ACLY: variants seen among roughly 807,000 people sequenced by gnomAD.
ACLY encodes ATP citrate lyase, also known as ATP-citrate synthase.
In ACLY, 41 loss-of-function variants were observed where a neutral mutation model predicts 133.0. The observed-to-expected ratio is 0.31, with a 90% confidence interval of 0.24 to 0.40. The LOEUF (loss-of-function observed/expected upper bound fraction) is 0.40, where lower values mean the gene tolerates loss of function less well. ACLY is among the 10% of genes least tolerant of loss of function. ACLY has a pLI of 1.00. For missense variants in ACLY, 1,046 were observed against 1,453.8 expected (o/e 0.72, Z 4.56); for synonymous variants, 495 against 549.3 (o/e 0.90, Z 1.38).
intron 1 of ACLY, 146 bp downstream of exon 1, chr17:41,918,734 C>G: frequency 9.5e-7 from 1 of 1,049,568 alleles, no homozygotes; most frequent in Non-Finnish European, 1.2e-6. Flanking sequence ...GAAGGCTAAC[C>G]TAAAGCTAAG....
rs115517233 is a variant in ACLY, at chr17:41,898,513, T to A, written c.1338+118A>T. ...TTGGCAGAGATCCACAAACCAACCATGCACTAACTCCCGCTGTATTTCCTC... is the reference window on the plus strand; with the variant it reads ...TTGGCAGAGATCCACAAACCAACCAAGCACTAACTCCCGCTGTATTTCCTC... On this transcript the variant is annotated intron_variant, in intron 12 of 28. Coordinates refer to ENST00000352035, the MANE Select transcript of ACLY (RefSeq NM_001096.3). 3.3e-4 allele frequency: 446 copies of A among 1,338,644 alleles called. No homozygotes were observed. In the African/African-American group the frequency reaches 5.8e-3, roughly 17 times the overall value. 82.9% of individuals were successfully genotyped at this position (1,338,644 alleles called of 1,614,324 possible).
chr17:41,873,748 G>T (rs1555625499), intron 23 of ACLY, 63 bp downstream of exon 23: 2 of 1,471,874 alleles, frequency 1.4e-6, no homozygotes, highest in South Asian at 1.4e-5. Flanking sequence ...CCACCCCTTT[G>T]TTGGGGGAAA....
chr17:41,902,978 G>A (rs2049582988), intron 10 of ACLY, among the ~76,000 whole-genome samples: 1 of 152,070 alleles, frequency 6.6e-6, no homozygotes, highest in Admixed American at 6.6e-5. Flanking sequence ...TAGTAGAGAT[G>A]AGATCTCATT....
rs782151031 is a variant in ACLY, at chr17:41,909,635, C to A, written c.411G>T (p.Glu137Asp). The A allele has an allele frequency of 3.1e-6, 5 of 1,614,198 alleles. No homozygotes were observed. Among genetic ancestry groups the A allele is most frequent in the African/African-American group, 1.3e-5 (1 of 75,044 alleles). The change falls in exon 5 of 29, where the codon GAG becomes GAT. Residue 137 changes from glutamate (E) to aspartate (D), a missense_variant. Transcript: ENST00000352035. Reference sequence around the variant, plus strand: ...CCACATCACCCACGTCCACACCCCCCTCGTGGTGGAACAGGACGTAGTCCC... The same window carrying A: ...CCACATCACCCACGTCCACACCCCCATCGTGGTGGAACAGGACGTAGTCCC... ...REGDYVLFHH[E>D]GGVDVGDVDA...
chr17:41,916,694 T>G (rs1288810125), intron 1 of ACLY, among the ~76,000 whole-genome samples: 1 of 151,604 alleles, frequency 6.6e-6, no homozygotes, highest in Non-Finnish European at 1.5e-5. Flanking sequence ...GGTCTTAAAG[T>G]CTCTCTAAGG....
Position 41,892,240 on chromosome 17 carries a change from T to TGGGGGGGGGGGGGGGGGGGGGGGGGGG in ACLY, c.1770+38_1770+39insCCCCCCCCCCCCCCCCCCCCCCCCCCC. The TGGGGGGGGGGGGGGGGGGGGGGGGGGG allele has an allele frequency of 3.5e-5, 14 of 400,154 alleles. 2 individuals carry two copies. Among genetic ancestry groups the TGGGGGGGGGGGGGGGGGGGGGGGGGGG allele is most frequent in the Non-Finnish European group, 4.8e-5 (12 of 251,752 alleles). The allele number at this position is 400,154 out of a possible 1,614,324, so 24.8% of individuals were successfully genotyped here. ...CAGTGATCTACCTGCGCATAGTTCA[T>TGGGGGGGGGGGGGGGGGGGGGGGGGGG]GGTCCCCACCCCCCACCCTCCAGAG... On this transcript the variant is annotated intron_variant, in intron 16 of 28. Coordinates refer to ENST00000352035, the MANE Select transcript of ACLY (RefSeq NM_001096.3).
At chr17:41,922,918 A>G (rs1166235862), upstream of ACLY, among the ~76,000 whole-genome samples, 1 of 152,150 alleles carries the variant, frequency 6.6e-6, no homozygotes, top group African/African-American at 2.4e-5. Flanking sequence ...TCTGCCCCCA[A>G]CGCCCAGCCT....
At chr17:41,926,371 A>C (rs2050243852) in intron 1 of ACLY, among the ~76,000 whole-genome samples, 1 of 152,220 alleles carries the variant, frequency 6.6e-6, no homozygotes, top group Admixed American at 6.5e-5. Context: ...AGAGTTTCTC[A>C]TCTGTGAAAC....
At chr17:41,909,233 C>A (rs2304496) in intron 5 of ACLY, among the ~76,000 whole-genome samples, 165 bp from the exon 6 acceptor site, 16,091 of 152,074 alleles carry the variant, frequency 0.11, 946 homozygotes, top group Non-Finnish European at 0.12. Context: ...CTGGACATAG[C>A]TCTTCAGCCA....
intron 1 of ACLY, among the ~76,000 whole-genome samples, chr17:41,925,545 G>GAGGTTGC (rs2050233390): frequency 6.6e-6 from 1 of 151,864 alleles, no homozygotes; most frequent in South Asian, 2.1e-4. Flanking sequence ...CAGGAGGGTG[G>GAGGTTGC]AGGTTGCAGT....
At chr17:41,884,851 A>C (rs573735487) in intron 18 of ACLY, among the ~76,000 whole-genome samples, 110 of 152,286 alleles carry the variant, frequency 7.2e-4, no homozygotes, top group African/African-American at 2.3e-3. Flanking sequence ...AACAAACAAA[A>C]AAAACCTAAG....
chr17:41,901,407 T>G (rs2049536305), intron 11 of ACLY, among the ~76,000 whole-genome samples: 1 of 152,202 alleles, frequency 6.6e-6, no homozygotes. Flanking sequence ...GCTTGCTGTC[T>G]GTCCATTTGT....
At chr17:41,901,898 A>G in intron 10 of ACLY, 85 bp from the exon 11 acceptor site, 6 of 1,066,228 alleles carry the variant, frequency 5.6e-6, no homozygotes, top group Non-Finnish European at 4.1e-6. Context: ...CATACCAGGT[A>G]TATGTGACAA....
intron 16 of ACLY, 43 bp downstream of exon 16, chr17:41,892,236 T>A (rs782709106): frequency 2.1e-6 from 1 of 471,292 alleles, no homozygotes; most frequent in African/African-American, 2.2e-5. Context: ...CTGCGCATAG[T>A]TCATGGTCCC....
At chr17:41,887,852 G>A in intron 16 of ACLY, 149 bp from the exon 17 acceptor site, 1 of 637,920 alleles carries the variant, frequency 1.6e-6, no homozygotes, top group Admixed American at 2.3e-5. Context: ...TATCAGCCGG[G>A]CGCGGTGGCT....
At chr17:41,889,254 C>T (rs2049135875) in intron 16 of ACLY, among the ~76,000 whole-genome samples, 1 of 152,020 alleles carries the variant, frequency 6.6e-6, no homozygotes, top group Admixed American at 6.6e-5. Flanking sequence ...CGTGGTGGCT[C>T]ACGCCTGTAA....
At chr17:41,930,159 G>T (rs2050300467) in intron 1 of ACLY, among the ~76,000 whole-genome samples, 1 of 152,198 alleles carries the variant, frequency 6.6e-6, no homozygotes, top group South Asian at 2.1e-4. Context: ...GTTTTCTTAT[G>T]CAAATCCTCG....
intron 22 of ACLY, among the ~76,000 whole-genome samples, chr17:41,874,853 G>T (rs193054577): frequency 6.7e-6 from 1 of 150,020 alleles, no homozygotes; most frequent in East Asian, 2.0e-4. Flanking sequence ...GATTACAGGC[G>T]TGAGCCACTG....
Position 41,867,765 on chromosome 17 carries a change from A to G in ACLY, c.*45T>C. The G allele has an allele frequency of 6.7e-7, 1 of 1,485,252 alleles. No homozygotes were observed. Among genetic ancestry groups the G allele is most frequent in the Non-Finnish European group, 9.3e-7 (1 of 1,078,904 alleles). 92.0% of individuals were successfully genotyped at this position (1,485,252 alleles called of 1,614,324 possible). A position where few individuals can be genotyped will look rare whatever the true frequency, so the allele number is the denominator to read the frequency against. ...CTGTCTGTACACTTTTTCTTGGGGG[A>G]AGAGATCTTGTCTTCAGTTTACTGC... On this transcript the variant is annotated 3_prime_UTR_variant, in exon 29 of 29. Transcript: ENST00000352035.
Sources: allele counts gnomAD v4.1 joint callset (sites outside exome capture counted in the v4.1 genomes callset), GRCh38; gene constraint gnomAD v4.1.1; transcripts MANE v1.5; gene names NCBI Gene and HGNC (gene_info 2026-07-23, HGNC 2026-07-21).